Variants in TSPAN7 observed in about 807,000 individuals in gnomAD.
The protein encoded by TSPAN7 is tetraspanin 7.
A neutral mutation model predicts 17.6 loss-of-function variants in TSPAN7; 1 was observed. The observed-to-expected ratio is 0.06, with a 90% CI of 0.02 to 0.27. The LOEUF is 0.27. Ranked by LOEUF, TSPAN7 falls within the 10% of genes least tolerant of loss-of-function variation. TSPAN7 has a pLI of 1.00. For missense variants in TSPAN7, 112 were observed against 201.7 expected, an observed-to-expected ratio of 0.56 and a Z score of 2.69; for synonymous variants, 78 against 79.0, an observed-to-expected ratio of 0.99 and a Z score of 0.07.
intron 1 of TSPAN7, among the ~76,000 whole-genome samples, chrX:38,659,823 CTTTTTTTTTT>C (rs748922281): frequency 6.5e-4 from 40 of 61,593 alleles, no homozygotes; most frequent in African/African-American, 2.0e-3. Flanking sequence ...TTTTCTTTTT[CTTTTTTTTTT>C]TTTTTTTTTT....
At chrX:38,593,819 G>A (rs1286086634) in intron 1 of TSPAN7, among the ~76,000 whole-genome samples, 1 of 112,372 alleles carries the variant, frequency 8.9e-6, no homozygotes, top group African/African-American at 3.2e-5. Flanking sequence ...GAGAAAATAA[G>A]TTTATGTTTT....
At chrX:38,586,948 A>G (rs1448540910) in intron 1 of TSPAN7, among the ~76,000 whole-genome samples, 1 of 112,648 alleles carries the variant, frequency 8.9e-6, no homozygotes, top group Non-Finnish European at 1.9e-5. Context: ...ACCTTTCACC[A>G]CCAGCCTTAG....
chrX:38,668,388 A>G (rs1437058785), intron 2 of TSPAN7, among the ~76,000 whole-genome samples: 3 of 112,222 alleles, frequency 2.7e-5, no homozygotes, highest in African/African-American at 9.7e-5. Flanking sequence ...CCTCTTCTGG[A>G]GGTGGCTTCA....
At chrX:38,573,384 A>G (rs946619055) in intron 1 of TSPAN7, among the ~76,000 whole-genome samples, 1 of 111,693 alleles carries the variant, frequency 9.0e-6, no homozygotes, top group Non-Finnish European at 1.9e-5. Context: ...TATAAGTCTG[A>G]CACTTACAGT....
chrX:38,650,867 T>G, intron 1 of TSPAN7, among the ~76,000 whole-genome samples: 1 of 110,657 alleles, frequency 9.0e-6, no homozygotes, highest in Non-Finnish European at 1.9e-5. Flanking sequence ...GTTTCCAGAC[T>G]TGACTATTGC....
At chrX:38,577,625 G>T (rs1185926564) in intron 1 of TSPAN7, among the ~76,000 whole-genome samples, 5 of 86,301 alleles carry the variant, frequency 5.8e-5, no homozygotes, top group African/African-American at 2.2e-4. Flanking sequence ...GAGAACAATG[G>T]ACATAGGAAG....
chrX:38,665,980 A>G, intron 1 of TSPAN7, 141 bp from the exon 2 acceptor site: 4 of 541,907 alleles, frequency 7.4e-6, no homozygotes, highest in Non-Finnish European at 1.3e-5. Context: ...ACACTCTCTG[A>G]CATTTCTCGT....
chrX:38,684,300 A>G (rs956150613), intron 6 of TSPAN7, among the ~76,000 whole-genome samples: 18 of 111,959 alleles, frequency 1.6e-4, no homozygotes, highest in African/African-American at 5.9e-4. Flanking sequence ...GTCAAGCATT[A>G]AACACTTCTC....
chrX:38,642,177 G>A (rs949161545), intron 1 of TSPAN7, among the ~76,000 whole-genome samples: 6 of 111,789 alleles, frequency 5.4e-5, no homozygotes, highest in Non-Finnish European at 1.1e-4. Context: ...AGCACACCTT[G>A]AGGTTATTTG....
intron 3 of TSPAN7, among the ~76,000 whole-genome samples, chrX:38,674,003 A>G (rs1206513867): frequency 9.0e-6 from 1 of 111,721 alleles, no homozygotes; most frequent in African/African-American, 3.3e-5. Context: ...CTTTCTCTGG[A>G]TTGAGGCTGA....
chrX:38,671,590 A>G (rs2069821132), intron 3 of TSPAN7, 140 bp downstream of exon 3: 1 of 594,309 alleles, frequency 1.7e-6, no homozygotes, highest in South Asian at 2.5e-5. Flanking sequence ...ATCATGTCAT[A>G]TGACCTGAAA....
intron 1 of TSPAN7, among the ~76,000 whole-genome samples, chrX:38,637,909 T>C (rs1334339465): frequency 8.9e-6 from 1 of 111,948 alleles, no homozygotes; most frequent in Non-Finnish European, 1.9e-5. Context: ...AATATTAGTG[T>C]ACGCTATAGG....
At chrX:38,640,727 T>G (rs1381401320) in intron 1 of TSPAN7, among the ~76,000 whole-genome samples, 1 of 112,386 alleles carries the variant, frequency 8.9e-6, no homozygotes, top group Non-Finnish European at 1.9e-5. Context: ...GAATATGCAT[T>G]TAAAATTAAA....
chrX:38,673,807 C>T (rs1273819080), intron 3 of TSPAN7, among the ~76,000 whole-genome samples: 3 of 111,364 alleles, frequency 2.7e-5, no homozygotes, highest in Admixed American at 9.5e-5. Flanking sequence ...ATCAGTCATC[C>T]TGTCCACCCA....
chrX:38,587,230 G>A (rs1334876748), intron 1 of TSPAN7, among the ~76,000 whole-genome samples: 1 of 112,176 alleles, frequency 8.9e-6, no homozygotes, highest in African/African-American at 3.2e-5. Context: ...TGTTTTAGTG[G>A]AAATAAGTTT....
At chrX:38,605,753 G>A (rs1360224850) in intron 1 of TSPAN7, among the ~76,000 whole-genome samples, 10 of 107,386 alleles carry the variant, frequency 9.3e-5, no homozygotes, top group South Asian at 8.2e-4. Context: ...CAGAAATAAC[G>A]CCGCATATCT....
intron 1 of TSPAN7, among the ~76,000 whole-genome samples, chrX:38,659,664 AT>A (rs536060824): frequency 1.6e-3 from 155 of 99,263 alleles, no homozygotes; most frequent in South Asian, 3.8e-3. Context: ...TTTAATTCTA[AT>A]TTTTTTTTTT....
chrX:38,608,252 T>C (rs932769076), intron 1 of TSPAN7: 2 of 110,495 alleles, frequency 1.8e-5, no homozygotes, highest in East Asian at 2.8e-4. Context: ...CTAGCAGGCT[T>C]TCCGGTTTTT....
At chrX:38,644,543 A>C (rs2069634009) in intron 1 of TSPAN7, among the ~76,000 whole-genome samples, 1 of 111,689 alleles carries the variant, frequency 9.0e-6, no homozygotes, top group South Asian at 3.8e-4. Flanking sequence ...CACTGCCCTC[A>C]ACCCCCGTCT....
Sources: gnomAD v4.1 joint callset for allele counts (sites outside exome capture counted in the v4.1 genomes callset) on GRCh38, gnomAD v4.1.1 for gene constraint, MANE v1.5 for transcripts, NCBI Gene and HGNC (gene_info 2026-07-23, HGNC 2026-07-21) for gene names.